PDRG1: variants seen among roughly 807,000 people sequenced by gnomAD.
PDRG1 encodes p53 and DNA damage regulated 1, also known as p53 and DNA damage-regulated protein 1.
PDRG1 carries 14 observed loss-of-function variants against 18.4 expected under a neutral mutation model. The observed-to-expected ratio is 0.76, with a 90% CI of 0.50 to 1.19. The LOEUF is 1.19. Among genes scored for constraint, PDRG1 ranks in the 50% most tolerant of loss-of-function variants. The probability of loss-of-function intolerance (pLI) is 0.00; values close to 1 mark genes in which losing one functional copy is unlikely to be tolerated. For missense variants in PDRG1, 177 were observed against 160.1 expected (o/e 1.11, Z -0.57); for synonymous variants, 65 against 60.9 (o/e 1.07, Z -0.31).
Position 31,946,140 on chromosome 20 carries a change from G to GCTTTTATCAAGAATTTATCATTTAT in PDRG1, c.320-252_320-251insATAAATGATAAATTCTTGATAAAAG, listed in dbSNP as rs761244945. ...CCAAGACCTGTGACCAATCTAGAGT[G>GCTTTTATCAAGAATTTATCATTTAT]CTTGCATTTATCAAGAATTTCAGCT... On this transcript the variant is annotated intron_variant, in intron 4 of 4. Coordinates refer to ENST00000202017, the MANE Select transcript of PDRG1 (RefSeq NM_030815.3). Among the ~76,000 whole-genome samples the GCTTTTATCAAGAATTTATCATTTAT allele has an allele frequency of 9.8e-5, 15 of 152,286 alleles. No individual in the cohort carries two copies. The South Asian group carries it at 2.7e-3, about 27-fold the overall frequency.
intron 1 of PDRG1, 134 bp from the exon 2 acceptor site, chr20:31,950,521 G>A (rs2064345923): frequency 1.5e-6 from 1 of 666,058 alleles, no homozygotes; most frequent in African/African-American, 1.8e-5. Context: ...GGATTGATGT[G>A]TGAATGTATT....
chr20:31,946,894 G>T (rs1415567047), intron 3 of PDRG1, among the ~76,000 whole-genome samples: 1 of 152,190 alleles, frequency 6.6e-6, no homozygotes, highest in Non-Finnish European at 1.5e-5. Context: ...TGAAATTATG[G>T]AAAATTCAAA....
intron 3 of PDRG1, 141 bp from the exon 4 acceptor site, chr20:31,946,717 G>A: frequency 1.4e-6 from 1 of 718,326 alleles, no homozygotes. Context: ...AACTGAGGAA[G>A]GATTAAAGTC....
At chr20:31,949,515 T>G (rs775970316) in intron 2 of PDRG1, among the ~76,000 whole-genome samples, 2 of 152,136 alleles carry the variant, frequency 1.3e-5, no homozygotes, top group Non-Finnish European at 2.9e-5. Context: ...GAGGTTGCAG[T>G]GAGCCAAGAT....
intron 3 of PDRG1, among the ~76,000 whole-genome samples, chr20:31,948,371 T>C (rs1000688065): frequency 5.3e-5 from 8 of 152,202 alleles, no homozygotes; most frequent in African/African-American, 1.7e-4. Flanking sequence ...CATGAGGACA[T>C]GAGGCCTGCA....
In PDRG1 at chr20:31,946,669, G is replaced by A. The variant is rs532877894; in HGVS notation, c.239-93C>T. 3.7e-5 allele frequency: 43 copies of A among 1,147,792 alleles called. No individual in the cohort carries two copies. In the Middle Eastern group the frequency reaches 8.0e-4, roughly 21 times the overall value. 71.1% of individuals were successfully genotyped at this position (1,147,792 alleles called of 1,614,324 possible). ...AGGCCAGCCTCTCCCCAGCAAGGGC[G>A]TGTAGCTTTCAGGAAGGAAAAGGGG... is the stretch of plus-strand genomic sequence containing the variant. On this transcript the variant is annotated intron_variant, in intron 3 of 4. Transcript: ENST00000202017.
rs1325672736 is a variant in PDRG1 at position 31,950,316 on chromosome 20, G to A, written c.159C>T (p.Leu53=). 6.2e-7 allele frequency: 1 copy of A among 1,606,572 alleles called. No individual in the cohort carries two copies. The highest frequency in any genetic ancestry group is 8.5e-7 in the Non-Finnish European group (1 of 1,173,128). ...ACTGAGAAAATTTCAACTTACCAGA[G>A]AGGCTGAGATCCTTCTGCAGGGCCC... is the stretch of plus-strand genomic sequence containing the variant. ...GLRALQKDLS[L]SEDVMVCFGN... The change falls in exon 2 of 5, where the codon CTC becomes CTT. Residue 53 remains leucine (L), a synonymous_variant. Transcript: ENST00000202017.
chr20:31,949,672 C>T (rs913546660), intron 2 of PDRG1, among the ~76,000 whole-genome samples: 10 of 152,004 alleles, frequency 6.6e-5, no homozygotes, highest in Admixed American at 1.3e-4. Context: ...TTGGCACACT[C>T]ATGGATTCAT....
intron 1 of PDRG1, among the ~76,000 whole-genome samples, chr20:31,951,496 C>G (rs1276738712): frequency 6.6e-6 from 1 of 152,192 alleles, no homozygotes; most frequent in Non-Finnish European, 1.5e-5. Flanking sequence ...CACCTTCCCC[C>G]ACGTCCCCAC....
chr20:31,946,760 G>A (rs1235577969), intron 3 of PDRG1, among the ~76,000 whole-genome samples, 184 bp from the exon 4 acceptor site: 1 of 152,198 alleles, frequency 6.6e-6, no homozygotes. Flanking sequence ...GGACCACTCA[G>A]AGAGCCCAGG....
At chr20:31,951,339 C>T (rs770778092) in intron 1 of PDRG1, among the ~76,000 whole-genome samples, 1 of 152,226 alleles carries the variant, frequency 6.6e-6, no homozygotes, top group Non-Finnish European at 1.5e-5. Context: ...TCCCTGCCTC[C>T]GCCCTTGCCC....
Position 31,946,521 on chromosome 20 carries a change from CTTCACT to C in PDRG1, c.288_293del (p.Lys98_Val99del), listed in dbSNP as rs1393944143. 3 of 1,613,016 alleles carry C rather than the reference CTTCACT, an allele frequency of 1.9e-6. No individual in the cohort carries two copies. Among genetic ancestry groups the C allele is most frequent in the Non-Finnish European group, 2.5e-6 (3 of 1,179,146 alleles). On this transcript the variant is annotated inframe_deletion, in exon 4 of 5. Coordinates refer to ENST00000202017, the MANE Select transcript of PDRG1 (RefSeq NM_030815.3). ...CTTGGGCCTCAAAAAGGCGGTTGAC[CTTCACT>C]TTAAGTTGCTTCCGCAGTTTTTCTA... is the stretch of plus-strand genomic sequence containing the variant.
At position 31,945,435 on chromosome 20, in the gene PDRG1, C is replaced by T. The variant is rs1291115188; in HGVS notation, c.*372G>A. The T allele has an allele frequency of 5.6e-6, 1 of 178,382 alleles. No individual in the cohort carries two copies. The highest frequency in any genetic ancestry group is 1.6e-4 in the East Asian group (1 of 6,244). The allele number at this position is 178,382 out of a possible 1,614,324, so 11.0% of individuals were successfully genotyped here. A position where few individuals can be genotyped will look rare whatever the true frequency, so the allele number is the denominator to read the frequency against. On this transcript the variant is annotated 3_prime_UTR_variant, in exon 5 of 5. Transcript: ENST00000202017. Reference sequence around the variant, plus strand: ...AGAGGAATGCTGGAATGACACTCCACTCTGCCCCTCCCTCCCTCCTTCCTT... The same window carrying T: ...AGAGGAATGCTGGAATGACACTCCATTCTGCCCCTCCCTCCCTCCTTCCTT...
In PDRG1 at chr20:31,945,733, G is replaced by T; in HGVS notation, c.*74C>A. On this transcript the variant is annotated 3_prime_UTR_variant, in exon 5 of 5. Coordinates refer to ENST00000202017, the MANE Select transcript of PDRG1 (RefSeq NM_030815.3). Reference sequence around the variant, plus strand: ...TACAGGGCAGATCCTGTCCTTACAGGTGTCAAGGTTGGAGGGTCCTGGGTC... The same window carrying T: ...TACAGGGCAGATCCTGTCCTTACAGTTGTCAAGGTTGGAGGGTCCTGGGTC... 8.3e-7 allele frequency: 1 copy of T among 1,207,506 alleles called. No individual in the cohort carries two copies. Among genetic ancestry groups the T allele is most frequent in the Non-Finnish European group, 1.2e-6 (1 of 831,286 alleles). 74.8% of individuals were successfully genotyped at this position (1,207,506 alleles called of 1,614,324 possible). A position where few individuals can be genotyped will look rare whatever the true frequency, so the allele number is the denominator to read the frequency against.
At chr20:31,948,958 C>T in intron 2 of PDRG1, 76 bp from the exon 3 acceptor site, 1 of 1,376,358 alleles carries the variant, frequency 7.3e-7, no homozygotes, top group Non-Finnish European at 1.0e-6. Flanking sequence ...GTTTTAGATA[C>T]AGACAACAGA....
At chr20:31,949,875 C>T (rs2064341374) in intron 2 of PDRG1, among the ~76,000 whole-genome samples, 1 of 152,208 alleles carries the variant, frequency 6.6e-6, no homozygotes, top group African/African-American at 2.4e-5. Flanking sequence ...TTTGCTTCCA[C>T]TGCCACAGCC....
intron 2 of PDRG1, among the ~76,000 whole-genome samples, chr20:31,949,393 G>A (rs549101829): frequency 1.8e-4 from 27 of 152,308 alleles, no homozygotes; most frequent in East Asian, 5.8e-4. Flanking sequence ...CCAACATGGC[G>A]AAACGCTGTA....
At chr20:31,946,381 C>G in intron 4 of PDRG1, 115 bp downstream of exon 4, 1 of 986,950 alleles carries the variant, frequency 1.0e-6, no homozygotes, top group Non-Finnish European at 1.6e-6. Flanking sequence ...GGGCCACTCA[C>G]AGGCTGCCCC....
intron 1 of PDRG1, among the ~76,000 whole-genome samples, chr20:31,951,035 A>G (rs1457598961): frequency 6.6e-6 from 1 of 152,240 alleles, no homozygotes; most frequent in Non-Finnish European, 1.5e-5. Flanking sequence ...GACTTAACAC[A>G]GTACCTGGCA....
Sources: gnomAD v4.1 joint callset for allele counts (sites outside exome capture counted in the v4.1 genomes callset) on GRCh38, gnomAD v4.1.1 for gene constraint, MANE v1.5 for transcripts, NCBI Gene and HGNC (gene_info 2026-07-23, HGNC 2026-07-21) for gene names.